CASTOR2: variants seen among roughly 807,000 people sequenced by gnomAD.
CASTOR2 encodes the protein GATS protein like 2.
A neutral mutation model predicts 31.2 loss-of-function variants in CASTOR2; 8 were observed. The observed-to-expected ratio is 0.26, with a 90% CI of 0.15 to 0.46. The LOEUF (loss-of-function observed/expected upper bound fraction) is 0.46. Among genes scored for constraint, CASTOR2 ranks in the 20% least tolerant of loss-of-function variants. CASTOR2 has a pLI of 0.99. For missense variants in CASTOR2, 216 were observed against 382.1 expected (o/e 0.57, Z 3.62); for synonymous variants, 162 against 158.7 (o/e 1.02, Z -0.16).
In CASTOR2 at chr7:75,026,713, G is replaced by A. The variant is rs983793034; in HGVS notation, c.*2014G>A. On this transcript the variant is annotated 3_prime_UTR_variant, in exon 9 of 9. Coordinates refer to ENST00000616305, the MANE Select transcript of CASTOR2 (RefSeq NM_001145064.3). The stretch of plus-strand genomic sequence containing the variant: ...TGCACAAAACTCCAGAACAAAACTC[G>A]TACATTGCTGGTCCCAAAAGGGAGG... Among the ~76,000 whole-genome samples, 5 of 151,724 alleles carry A rather than the reference G, an allele frequency of 3.3e-5. No homozygotes were observed. Among genetic ancestry groups the A allele is most frequent in the Admixed American group, 6.6e-5 (1 of 15,236 alleles).
chr7:74,980,572 ATG>A, intron 1 of CASTOR2, among the ~76,000 whole-genome samples: 1 of 129,128 alleles, frequency 7.7e-6, no homozygotes, highest in Non-Finnish European at 1.5e-5. Context: ...CAGAAATTCA[ATG>A]GATGTTTTGA....
At chr7:74,996,925 G>A (rs1180853470) in intron 1 of CASTOR2, among the ~76,000 whole-genome samples, 6 of 150,670 alleles carry the variant, frequency 4.0e-5, no homozygotes, top group Non-Finnish European at 7.4e-5. Context: ...AGTAGAGACG[G>A]GGTTTCACCA....
chr7:75,018,267 T>C, intron 4 of CASTOR2, 145 bp downstream of exon 4: 2 of 1,459,782 alleles, frequency 1.4e-6, no homozygotes, highest in South Asian at 2.6e-5. Flanking sequence ...GGGCCCAGTG[T>C]GGTGGCTCAT....
intron 1 of CASTOR2, among the ~76,000 whole-genome samples, chr7:74,990,546 TG>T (rs782302049): frequency 0.76 from 114,757 of 151,558 alleles, 43,722 homozygotes; most frequent in East Asian, 0.93. Context: ...AGTGAGACCC[TG>T]GTCTCTACAA....
intron 2 of CASTOR2, among the ~76,000 whole-genome samples, chr7:75,008,611 G>A (rs1396410874): frequency 1.3e-5 from 2 of 152,168 alleles, no homozygotes; most frequent in South Asian, 2.1e-4. Flanking sequence ...CAGGAGGATC[G>A]TTTGAGCCCA....
chr7:75,018,823 T>C, intron 4 of CASTOR2, 149 bp from the exon 5 acceptor site: 3 of 1,296,832 alleles, frequency 2.3e-6, no homozygotes, highest in South Asian at 2.7e-5. Context: ...ACGGTGGTAA[T>C]TGGTGGTAGA....
chr7:75,022,102 A>ACT, intron 7 of CASTOR2, 146 bp downstream of exon 7: 1 of 946,010 alleles, frequency 1.1e-6, no homozygotes, highest in Admixed American at 2.0e-5. Context: ...TCTGTTGCTC[A>ACT]CTGGTGTGTG....
rs1223731774 is a variant in CASTOR2, at chr7:75,015,261, C to T, written c.185-2337C>T. Among the ~76,000 whole-genome samples, 847 of 152,234 alleles carry T rather than the reference C, an allele frequency of 5.6e-3. 20 individuals carry two copies. The highest frequency in any genetic ancestry group is 4.9e-3 in the Non-Finnish European group (335 of 68,016). On this transcript the variant is annotated intron_variant, in intron 2 of 8. Transcript: ENST00000616305. The stretch of plus-strand genomic sequence containing the variant: ...TTGGCTCACCCATCTTTGAGCCCCT[C>T]TCTCCCTTTTTATCGATTTATTTTT...
intron 6 of CASTOR2, 125 bp downstream of exon 6, chr7:75,020,274 G>C (rs1052158812): frequency 1.0e-6 from 1 of 957,628 alleles, no homozygotes; most frequent in African/African-American, 1.6e-5. Flanking sequence ...ACGGGGTCTC[G>C]CTCTGTCGCC....
intron 1 of CASTOR2, among the ~76,000 whole-genome samples, chr7:74,975,265 C>A (rs1195642193): frequency 1.3e-5 from 2 of 151,496 alleles, no homozygotes; most frequent in East Asian, 3.9e-4. Context: ...CTGCGCCTGG[C>A]CAACTGTGGT....
At chr7:75,018,320 A>T (rs1231061336) in intron 4 of CASTOR2, among the ~76,000 whole-genome samples, 198 bp downstream of exon 4, 1 of 152,134 alleles carries the variant, frequency 6.6e-6, no homozygotes, top group African/African-American at 2.4e-5. Flanking sequence ...CAGGCAATTC[A>T]CCTGAGGTCA....
intron 1 of CASTOR2, among the ~76,000 whole-genome samples, chr7:74,990,382 C>CA (rs1229476692): frequency 0.67 from 93,876 of 140,222 alleles, 32,934 homozygotes; most frequent in East Asian, 0.93. Context: ...GACTCTATCT[C>CA]AAAAAAAAAA....
rs1166176145 is a variant in CASTOR2, at chr7:75,028,099, GCTCT to G, written c.*3403_*3406del. The G allele has an allele frequency of 2.6e-6, 4 of 1,511,832 alleles. No homozygotes were observed. The highest frequency in any genetic ancestry group is 3.5e-6 in the Non-Finnish European group (4 of 1,138,716). The allele number at this position is 1,511,832 out of a possible 1,614,324, so 93.7% of individuals were successfully genotyped here. A position where few individuals can be genotyped will look rare whatever the true frequency, so the allele number is the denominator to read the frequency against. On this transcript the variant is annotated 3_prime_UTR_variant, in exon 9 of 9. Coordinates refer to ENST00000616305, the MANE Select transcript of CASTOR2 (RefSeq NM_001145064.3). ...AGGTGCCTGGCGGGGGAGGAAGAGGGCTCTCTATGATGTGGAATTTTTTTTTTTT... is the reference window on the plus strand; with the variant it reads ...AGGTGCCTGGCGGGGGAGGAAGAGGGCTATGATGTGGAATTTTTTTTTTTT...
At chr7:75,003,875 G>T (rs1365302640) in intron 1 of CASTOR2, among the ~76,000 whole-genome samples, 1 of 152,094 alleles carries the variant, frequency 6.6e-6, no homozygotes. Context: ...CCTCCCCGAA[G>T]CCCACCCGTG....
intron 4 of CASTOR2, among the ~76,000 whole-genome samples, chr7:75,018,594 G>T (rs1233952479): frequency 6.6e-6 from 1 of 152,044 alleles, no homozygotes; most frequent in African/African-American, 2.4e-5. Context: ...GCCGTGTCTA[G>T]CAAGGGTGGT....
At chr7:75,007,747 T>G in intron 1 of CASTOR2, 1 of 599,914 alleles carries the variant, frequency 1.7e-6, no homozygotes, top group East Asian at 3.0e-5. Context: ...AGGGGCTGAC[T>G]GGCTCCGAGG....
intron 2 of CASTOR2, among the ~76,000 whole-genome samples, chr7:75,014,824 TC>T (rs1260021489): frequency 6.6e-6 from 1 of 152,136 alleles, no homozygotes; most frequent in African/African-American, 2.4e-5. Flanking sequence ...GCCAAGAGAC[TC>T]CTAGTGGCAG....
intron 1 of CASTOR2, among the ~76,000 whole-genome samples, chr7:74,993,580 A>G (rs1251895041): frequency 3.3e-5 from 5 of 150,024 alleles, no homozygotes; most frequent in Admixed American, 2.7e-4. Flanking sequence ...CCTCTGGAGT[A>G]GCTGAGATTA....
intron 2 of CASTOR2, among the ~76,000 whole-genome samples, chr7:75,011,428 CAA>C (rs1294488684): frequency 5.4e-4 from 35 of 65,106 alleles, no homozygotes; most frequent in Middle Eastern, 0.013. Flanking sequence ...GACTCCATCT[CAA>C]AAAAAAAAAA....
Sources: gnomAD v4.1 joint callset for allele counts (sites outside exome capture counted in the v4.1 genomes callset) on GRCh38, gnomAD v4.1.1 for gene constraint, MANE v1.5 for transcripts, NCBI Gene and HGNC (gene_info 2026-07-23, HGNC 2026-07-21) for gene names.